The following CAPN13 variants were observed in gnomAD, a reference collection of about 807,000 sequenced individuals.
The protein encoded by CAPN13 is calpain-13.
Under a neutral mutation model 98.4 loss-of-function variants are expected in CAPN13, and 90 were observed. That is an observed-to-expected ratio of 0.92 (90% CI 0.77 to 1.09). CAPN13 has a LOEUF of 1.09. Ranked by LOEUF, CAPN13 falls within the 50% of genes least tolerant of loss-of-function variation. The probability of loss-of-function intolerance (pLI) is 0.00; values close to 1 mark genes in which losing one functional copy is unlikely to be tolerated. For missense variants in CAPN13, 887 were observed against 841.3 expected (o/e 1.05, Z -0.67); for synonymous variants, 330 against 305.5 (o/e 1.08, Z -0.84).
At chr2:30,805,470 TA>T (rs1300299469) in intron 1 of CAPN13, among the ~76,000 whole-genome samples, 2 of 152,202 alleles carry the variant, frequency 1.3e-5, no homozygotes, top group Non-Finnish European at 2.9e-5. Context: ...CTTTGTTTTA[TA>T]GAGAACCCAG....
At chr2:30,775,769 G>C (rs1673654041) in intron 4 of CAPN13, among the ~76,000 whole-genome samples, 161 bp downstream of exon 4, 1 of 152,162 alleles carries the variant, frequency 6.6e-6, no homozygotes, top group African/African-American at 2.4e-5. Flanking sequence ...TGTGTTGTCA[G>C]ATTATAAGCT....
At chr2:30,762,832 G>A (rs1672915325) in intron 7 of CAPN13, among the ~76,000 whole-genome samples, 1 of 152,230 alleles carries the variant, frequency 6.6e-6, no homozygotes, top group African/African-American at 2.4e-5. Context: ...AGTCAGAGCT[G>A]TCTGAGATCA....
intron 17 of CAPN13, 50 bp downstream of exon 17, chr2:30,738,185 A>C: frequency 6.2e-7 from 1 of 1,600,384 alleles, no homozygotes; most frequent in Non-Finnish European, 8.6e-7. Flanking sequence ...GGGGAAGCCC[A>C]CAGAGCTGAG....
In CAPN13 at chr2:30,776,053, G is replaced by A. The variant is rs775645023; in HGVS notation, c.272-8C>T. On this transcript the variant is annotated splice_region_variant and splice_polypyrimidine_tract_variant and intron_variant, in intron 3 of 22. Transcript: ENST00000295055. ...CCAGGAACCAGCAGTCAGCTGTGAG[G>A]GGAGATAAGCCAGGAAAGGCTGATT... 6.3e-7 allele frequency: 1 copy of A among 1,595,806 alleles called. No individual in the cohort carries two copies. The highest frequency in any genetic ancestry group is 8.6e-7 in the Non-Finnish European group (1 of 1,167,580).
intron 5 of CAPN13, among the ~76,000 whole-genome samples, chr2:30,765,642 G>T (rs1387146759): frequency 2.0e-5 from 3 of 152,146 alleles, no homozygotes; most frequent in Non-Finnish European, 2.9e-5. Flanking sequence ...CTTTCTCACT[G>T]TTTCCACCTC....
At chr2:30,794,746 T>C (rs1297989351) in intron 1 of CAPN13, among the ~76,000 whole-genome samples, 1 of 151,880 alleles carries the variant, frequency 6.6e-6, no homozygotes, top group Non-Finnish European at 1.5e-5. Context: ...TGAATAAATC[T>C]CTAAAATCAT....
intron 1 of CAPN13, among the ~76,000 whole-genome samples, chr2:30,800,530 G>C (rs1675208874): frequency 6.6e-6 from 1 of 152,094 alleles, no homozygotes; most frequent in Non-Finnish European, 1.5e-5. Flanking sequence ...AAACTCTATG[G>C]GCCTTGGGCA....
chr2:30,777,606 C>A lies in CAPN13; in HGVS notation c.232G>T (p.Asp78Tyr), dbSNP rs761610827. 6.3e-7 allele frequency: 1 copy of A among 1,581,206 alleles called. No individual in the cohort carries two copies. Among genetic ancestry groups the A allele is most frequent in the East Asian group, 2.3e-5 (1 of 43,806 alleles). The change falls in exon 3 of 23, where the codon GAT becomes TAT. Residue 78 changes from aspartate (D) to tyrosine (Y), a missense_variant. Asp to Tyr is a radical substitution (Grantham distance 160, BLOSUM62 -3). Transcript: ENST00000295055. The stretch of plus-strand genomic sequence containing the variant: ...TGGATGTCAAATCTGCTTATATCAT[C>A]CAGGATGAAGTGAGGAGGACCCCCT... ...LPGGPPHFIL[D>Y]DISRFDIQQG...
In CAPN13 at chr2:30,738,217, G is replaced by A. The variant is rs776170024; in HGVS notation, c.1653+18C>T. ...TGAGGGGTGCTCAGAGCATGGGAGG[G>A]ATGACCGCAAAGGATACTTCCATCA... On this transcript the variant is annotated intron_variant, in intron 17 of 22. Coordinates refer to ENST00000295055, the MANE Select transcript of CAPN13 (RefSeq NM_144575.3). 1.9e-6 allele frequency: 3 copies of A among 1,613,702 alleles called. No homozygotes were observed. In the East Asian group the frequency reaches 6.7e-5, roughly 36 times the overall value.
chr2:30,778,797 G>A (rs573130409), intron 2 of CAPN13, among the ~76,000 whole-genome samples: 82 of 152,280 alleles, frequency 5.4e-4, no homozygotes, highest in African/African-American at 1.8e-3. Flanking sequence ...GTCACATGCC[G>A]GGAGGGGAAC....
At chr2:30,742,272 G>C (rs968803189) in intron 14 of CAPN13, 54 bp downstream of exon 14, 1 of 1,569,416 alleles carries the variant, frequency 6.4e-7, no homozygotes, top group African/African-American at 1.4e-5. Context: ...GGAAGCTCTT[G>C]GGGATGGGAT....
In CAPN13 at chr2:30,732,546, T is replaced by C. The variant is rs779390889; in HGVS notation, c.1819A>G (p.Ile607Val). ...ENTDFLRGIFISRELLHLVTL... is the reference protein window; with the variant it reads ...ENTDFLRGIFVSRELLHLVTL... ...ACCAGATGCAGCAGCTCACGGCTGA[T>C]GAAGATCCCTCTGAGGAAGTCTGGG... The change falls in exon 20 of 23, where the codon ATC becomes GTC. Residue 607 changes from isoleucine (I) to valine (V), a missense_variant. Transcript: ENST00000295055. 33 of 1,609,550 alleles carry C rather than the reference T, an allele frequency of 2.1e-5. No homozygotes were observed. The highest frequency in any genetic ancestry group is 2.7e-5 in the Non-Finnish European group (32 of 1,178,396).
chr2:30,746,993 G>A (rs1406630402), intron 11 of CAPN13, among the ~76,000 whole-genome samples: 2 of 152,198 alleles, frequency 1.3e-5, no homozygotes, highest in Non-Finnish European at 2.9e-5. Flanking sequence ...CTAACATCGG[G>A]AGCTTCCCTG....
chr2:30,730,745 G>C lies in CAPN13; in HGVS notation c.*15C>G. On this transcript the variant is annotated 3_prime_UTR_variant, in exon 22 of 23. Transcript: ENST00000295055. Reference sequence around the variant, plus strand: ...CATGTCTTACCTGAGCCATGGGTCTGCTTTCCTCTTTGCTTCAGTTGTACA... The same window carrying C: ...CATGTCTTACCTGAGCCATGGGTCTCCTTTCCTCTTTGCTTCAGTTGTACA... 2.6e-6 allele frequency: 2 copies of C among 780,848 alleles called. No homozygotes were observed. The highest frequency in any genetic ancestry group is 4.8e-6 in the Non-Finnish European group (2 of 417,970). 48.4% of individuals were successfully genotyped at this position (780,848 alleles called of 1,614,324 possible).
At chr2:30,799,479 A>G (rs907947809) in intron 1 of CAPN13, among the ~76,000 whole-genome samples, 9 of 152,196 alleles carry the variant, frequency 5.9e-5, no homozygotes, top group African/African-American at 2.2e-4. Context: ...GAGGAAGACT[A>G]TGCAGGGCTC....
At chr2:30,783,549 G>A (rs926014641) in intron 2 of CAPN13, among the ~76,000 whole-genome samples, 1 of 152,182 alleles carries the variant, frequency 6.6e-6, no homozygotes, top group Non-Finnish European at 1.5e-5. Flanking sequence ...AGATGGCAGG[G>A]AGGAGAAAGA....
At chr2:30,742,073 T>C (rs1572798889) in intron 14 of CAPN13, 109 bp from the exon 15 acceptor site, 4 of 1,085,938 alleles carry the variant, frequency 3.7e-6, no homozygotes, top group East Asian at 4.9e-5. Flanking sequence ...AGAGTCTTTA[T>C]TGGGCAGTTG....
intron 13 of CAPN13, among the ~76,000 whole-genome samples, chr2:30,742,799 G>T (rs1226085254): frequency 6.6e-6 from 1 of 152,152 alleles, no homozygotes; most frequent in Non-Finnish European, 1.5e-5. Flanking sequence ...AGCACTTGCT[G>T]GTCCCAGTCT....
chr2:30,769,193 G>T (rs776411772), intron 5 of CAPN13, among the ~76,000 whole-genome samples: 1 of 152,116 alleles, frequency 6.6e-6, no homozygotes, highest in Non-Finnish European at 1.5e-5. Context: ...CACCCTTGTG[G>T]CAGTCAAGAA....
Sources: allele counts gnomAD v4.1 joint callset (sites outside exome capture counted in the v4.1 genomes callset), GRCh38; gene constraint gnomAD v4.1.1; transcripts MANE v1.5; gene names NCBI Gene and HGNC (gene_info 2026-07-23, HGNC 2026-07-21).